B4GALT1: variants seen among roughly 807,000 people sequenced by gnomAD.
B4GALT1 encodes the protein beta-1,4-galactosyltransferase 1.
B4GALT1 carries 16 observed loss-of-function variants against 34.9 expected under a neutral mutation model. That is an observed-to-expected ratio of 0.46 (90% CI 0.31 to 0.70). The LOEUF is 0.70. Ranked by LOEUF, B4GALT1 falls within the 30% of genes least tolerant of loss-of-function variation. The pLI is 0.05. For missense variants in B4GALT1, 445 were observed against 530.5 expected (o/e 0.84, Z 1.58); for synonymous variants, 221 against 218.1 (o/e 1.01, Z -0.12).
At chr9:33,109,138 T>G (rs556751775), downstream of B4GALT1, among the ~76,000 whole-genome samples, 66 of 152,338 alleles carry the variant, frequency 4.3e-4, 3 homozygotes, top group South Asian at 0.011. Flanking sequence ...ACTCCCATCC[T>G]TCAGGAAGGG....
downstream of B4GALT1, among the ~76,000 whole-genome samples, chr9:33,105,658 A>G (rs1325509723): frequency 1.3e-5 from 2 of 151,868 alleles, no homozygotes; most frequent in African/African-American, 4.8e-5. Context: ...GACAACCACC[A>G]TTCTGCCTTC....
At chr9:33,121,882 G>C (rs1376016290) in intron 2 of B4GALT1, among the ~76,000 whole-genome samples, 1 of 152,060 alleles carries the variant, frequency 6.6e-6, no homozygotes, top group African/African-American at 2.4e-5. Flanking sequence ...TCACCACAGG[G>C]ATCACATTGT....
At chr9:33,152,014 C>T (rs1205659980) in intron 1 of B4GALT1, among the ~76,000 whole-genome samples, 2 of 152,130 alleles carry the variant, frequency 1.3e-5, no homozygotes, top group Admixed American at 1.3e-4. Context: ...TAGATTTAAA[C>T]ACATAAAAAT....
intron 1 of B4GALT1, among the ~76,000 whole-genome samples, chr9:33,144,355 C>T (rs912811489): frequency 2.0e-5 from 3 of 152,194 alleles, no homozygotes; most frequent in African/African-American, 7.2e-5. Context: ...CTGCCTCAGC[C>T]TCCCAAGTAG....
chr9:33,149,555 G>T (rs1379510132), intron 1 of B4GALT1, among the ~76,000 whole-genome samples: 2 of 152,140 alleles, frequency 1.3e-5, no homozygotes, highest in Admixed American at 1.3e-4. Context: ...AAAGTGCTGG[G>T]ATTACAGACA....
At chr9:33,184,938 A>G in the B4GALT1 span, among the ~76,000 whole-genome samples, 2 of 152,206 alleles carry the variant, frequency 1.3e-5, no homozygotes, top group African/African-American at 4.8e-5. Context: ...AGGCACAGTT[A>G]CCTACCAGTT....
At chr9:33,141,105 C>A (rs1158423452) in intron 1 of B4GALT1, among the ~76,000 whole-genome samples, 1 of 152,228 alleles carries the variant, frequency 6.6e-6, no homozygotes, top group African/African-American at 2.4e-5. Flanking sequence ...AGCACCACAT[C>A]CATTCATATT....
intron 3 of B4GALT1, among the ~76,000 whole-genome samples, chr9:33,117,409 T>C (rs146504033): frequency 2.6e-5 from 4 of 152,350 alleles, no homozygotes; most frequent in South Asian, 2.1e-4. Flanking sequence ...TGGTTATGAA[T>C]TGTGAACTCC....
downstream of B4GALT1, among the ~76,000 whole-genome samples, chr9:33,108,282 T>C (rs937354461): frequency 6.6e-6 from 1 of 151,816 alleles, no homozygotes; most frequent in Non-Finnish European, 1.5e-5. Context: ...CTGGGCAACA[T>C]AGTGAGATCC....
chr9:33,142,648 G>A (rs562350751), intron 1 of B4GALT1, among the ~76,000 whole-genome samples: 5 of 151,710 alleles, frequency 3.3e-5, no homozygotes, highest in East Asian at 3.9e-4. Context: ...ACAGTTTCTC[G>A]CTCTGTTACC....
upstream of B4GALT1, among the ~76,000 whole-genome samples, chr9:33,169,518 A>ATTTTT (rs10567394): frequency 7.6e-6 from 1 of 132,352 alleles, no homozygotes; most frequent in African/African-American, 2.8e-5. Flanking sequence ...AACTGCTTGA[A>ATTTTT]TTTTTTTTTT....
chr9:33,172,058 A>C (rs897489007), upstream of B4GALT1, among the ~76,000 whole-genome samples: 2 of 152,202 alleles, frequency 1.3e-5, no homozygotes, highest in Admixed American at 1.3e-4. Flanking sequence ...TACCGACCAA[A>C]GCGCAAAAGC....
intron 3 of B4GALT1, among the ~76,000 whole-genome samples, chr9:33,119,909 G>A (rs888247935): frequency 5.9e-5 from 9 of 152,288 alleles, no homozygotes; most frequent in Admixed American, 2.0e-4. Flanking sequence ...CTTAGGCCAG[G>A]CATGGTGCCA....
chr9:33,108,609 T>C (rs1181928189), downstream of B4GALT1: 1 of 152,124 alleles, frequency 6.6e-6, no homozygotes, highest in African/African-American at 2.4e-5. Context: ...TGCATGTTAG[T>C]GTGTAGGCAT....
upstream of B4GALT1, among the ~76,000 whole-genome samples, chr9:33,171,730 T>A (rs1587758900): frequency 6.6e-6 from 1 of 152,258 alleles, no homozygotes. Flanking sequence ...AATTTTAAAA[T>A]TTTTAGTAGA....
chr9:33,141,947 C>A (rs1840355824), intron 1 of B4GALT1, among the ~76,000 whole-genome samples: 1 of 152,174 alleles, frequency 6.6e-6, no homozygotes, highest in Non-Finnish European at 1.5e-5. Flanking sequence ...CAAAATCTAA[C>A]TCATGAAGGC....
intron 2 of B4GALT1, among the ~76,000 whole-genome samples, chr9:33,121,956 A>G (rs1840026829): frequency 6.6e-6 from 1 of 152,164 alleles, no homozygotes; most frequent in Non-Finnish European, 1.5e-5. Context: ...GGACAAACCT[A>G]GCACTGACAT....
downstream of B4GALT1, among the ~76,000 whole-genome samples, chr9:33,110,456 CA>C (rs896466354): frequency 1.3e-5 from 2 of 152,238 alleles, no homozygotes; most frequent in Non-Finnish European, 2.9e-5. Context: ...TTTTAAGCCT[CA>C]AAAAAGTCCC....
At chr9:33,173,592 G>GTGTGTGTGTGTGTGTGTT in the B4GALT1 span, among the ~76,000 whole-genome samples, 1 of 3,458 alleles carries the variant, frequency 2.9e-4, no homozygotes, top group Non-Finnish European at 9.8e-4. Flanking sequence ...AATAAGAATG[G>GTGTGTGTGTGTGTGTGTT]TGTGTGTGTG....
Sources: gnomAD v4.1 joint callset for allele counts (sites outside exome capture counted in the v4.1 genomes callset) on GRCh38, gnomAD v4.1.1 for gene constraint, MANE v1.5 for transcripts, NCBI Gene and HGNC (gene_info 2026-07-23, HGNC 2026-07-21) for gene names.